Variants in KDM4B observed in about 807,000 individuals in gnomAD.
KDM4B encodes lysine-specific demethylase 4B.
Under a neutral mutation model 125.2 loss-of-function variants are expected in KDM4B, and 32 were observed. The observed-to-expected ratio is 0.26, with a 90% confidence interval of 0.19 to 0.34. The LOEUF (loss-of-function observed/expected upper bound fraction) is 0.34. Ranked by LOEUF, KDM4B falls within the 10% of genes least tolerant of loss-of-function variation. KDM4B has a pLI of 1.00. For synonymous variants in KDM4B, 721 were observed against 677.9 expected (o/e 1.06, Z -0.99); for missense variants, 1,190 against 1,577.7 (o/e 0.75, Z 4.16).
At chr19:5,036,982 G>C (rs921739253) in intron 3 of KDM4B, among the ~76,000 whole-genome samples, 1 of 152,232 alleles carries the variant, frequency 6.6e-6, no homozygotes, top group Non-Finnish European at 1.5e-5. Context: ...GGGGGTGTTT[G>C]GAGCTTCCTG....
At chr19:5,143,809 G>C (rs1343803498) in intron 18 of KDM4B, among the ~76,000 whole-genome samples, 158 bp from the exon 19 acceptor site, 1 of 152,142 alleles carries the variant, frequency 6.6e-6, no homozygotes, top group Non-Finnish European at 1.5e-5. Context: ...GGGAGGCTGC[G>C]GGCTCTGGGC....
intron 4 of KDM4B, 90 bp from the exon 5 acceptor site, chr19:5,041,047 C>T (rs1019167645): frequency 3.7e-6 from 3 of 805,364 alleles, no homozygotes; most frequent in Non-Finnish European, 6.2e-6. Context: ...CCGCCTCTTT[C>T]ATGGGTGCCC....
chr19:5,144,254 C>T lies in KDM4B; in HGVS notation c.2743C>T (p.Leu915Phe), dbSNP rs1429978512. 6.3e-7 allele frequency: 1 copy of T among 1,597,836 alleles called. No individual in the cohort carries two copies. The part of the protein sequence containing the change: ...KHKSGGHAVQ[L>F]LRAVSLGQVV... ...ACCCTCCGCACCCTCCCAGGTCCAA[C>T]TCCTGAGGGCCGTGTCCCTAGGCCA... is the stretch of plus-strand genomic sequence containing the variant. The change falls in exon 20 of 23, where the codon CTC becomes TTC. Residue 915 changes from leucine to phenylalanine, a missense_variant. By Grantham distance (22) the Leu-to-Phe change is conservative (BLOSUM62 0). This residue lies in a region of KDM4B where 298 missense variants were observed against 439.7 expected (regional missense o/e 0.68). Transcript: ENST00000159111.
chr19:5,006,207 C>T (rs75792932), intron 1 of KDM4B, among the ~76,000 whole-genome samples: 30,323 of 151,860 alleles, frequency 0.2, 3,360 homozygotes, highest in Middle Eastern at 0.36. Flanking sequence ...TCCCTGTCCC[C>T]GTCTGTCCCG....
At chr19:5,022,826 T>TG (rs1204503812) in intron 2 of KDM4B, among the ~76,000 whole-genome samples, 17 of 151,180 alleles carry the variant, frequency 1.1e-4, no homozygotes, top group African/African-American at 3.6e-4. Flanking sequence ...GCTCTCCAGG[T>TG]GGGGGGGCTT....
intron 6 of KDM4B, among the ~76,000 whole-genome samples, chr19:5,061,718 A>G (rs2037603154): frequency 6.6e-6 from 1 of 152,034 alleles, no homozygotes; most frequent in African/African-American, 2.4e-5. Context: ...AGAAGAAAAA[A>G]TCAGCTGGGT....
intron 6 of KDM4B, among the ~76,000 whole-genome samples, chr19:5,050,607 A>T (rs2145722016): frequency 6.6e-6 from 1 of 152,358 alleles, no homozygotes; most frequent in South Asian, 2.1e-4. Flanking sequence ...CCATAGATCA[A>T]GACTCTCCTG....
At chr19:5,008,977 A>T (rs1383410320) in intron 1 of KDM4B, among the ~76,000 whole-genome samples, 1 of 140,396 alleles carries the variant, frequency 7.1e-6, no homozygotes, top group African/African-American at 2.8e-5. Flanking sequence ...GTGCAGTGGC[A>T]TGATCTCGGC....
At chr19:5,143,116 A>G (rs2039774995) in intron 18 of KDM4B, among the ~76,000 whole-genome samples, 1 of 152,148 alleles carries the variant, frequency 6.6e-6, no homozygotes. Flanking sequence ...CCTTGAGCTC[A>G]GGAGTTTGAG....
At chr19:5,040,906 C>T (rs545866295) in intron 4 of KDM4B, among the ~76,000 whole-genome samples, 6 of 152,334 alleles carry the variant, frequency 3.9e-5, no homozygotes, top group South Asian at 2.1e-4. Context: ...GTGGGTGCCC[C>T]GGGCCAGGAT....
chr19:5,093,458 C>T (rs544212903), intron 9 of KDM4B, among the ~76,000 whole-genome samples: 60 of 152,268 alleles, frequency 3.9e-4, no homozygotes, highest in African/African-American at 1.3e-3. Flanking sequence ...CCCTGGGAGC[C>T]GGCGCCTAAT....
chr19:5,038,439 G>T (rs1488993840), intron 3 of KDM4B, among the ~76,000 whole-genome samples: 1 of 152,228 alleles, frequency 6.6e-6, no homozygotes, highest in Non-Finnish European at 1.5e-5. Flanking sequence ...TCCAGAAAGA[G>T]CCGGCGCTAA....
At chr19:5,006,229 A>C (rs2035555092) in intron 1 of KDM4B, among the ~76,000 whole-genome samples, 2 of 150,936 alleles carry the variant, frequency 1.3e-5, no homozygotes, top group South Asian at 2.1e-4. Context: ...CACTACTGGA[A>C]CCCCACCCTG....
At chr19:5,044,829 G>A (rs1323350122) in intron 5 of KDM4B, among the ~76,000 whole-genome samples, 1 of 151,986 alleles carries the variant, frequency 6.6e-6, no homozygotes, top group African/African-American at 2.4e-5. Flanking sequence ...TTTCCAGAAT[G>A]CCGTGAGCTG....
At chr19:5,130,528 G>A (rs941011828) in intron 11 of KDM4B, among the ~76,000 whole-genome samples, 3 of 152,222 alleles carry the variant, frequency 2.0e-5, no homozygotes, top group African/African-American at 4.8e-5. Flanking sequence ...TCATGTGACC[G>A]CCAGGTTGGG....
rs527871931 is a variant in KDM4B, at chr19:4,993,874, A to G, written c.-108-22383A>G. Among the ~76,000 whole-genome samples, 11 of 152,074 alleles carry G rather than the reference A, an allele frequency of 7.2e-5. No individual in the cohort carries two copies. The East Asian group carries it at 1.9e-3, about 27-fold the overall frequency. On this transcript the variant is annotated intron_variant, in intron 1 of 22. Coordinates refer to ENST00000159111, the MANE Select transcript of KDM4B (RefSeq NM_015015.3). ...TGATCCTCCCACCTTGGCCTCCTGA[A>G]GTGCTTGGATTACAGGCATGAGTCA...
At chr19:4,995,284 A>T (rs57900491) in intron 1 of KDM4B, among the ~76,000 whole-genome samples, 46,485 of 151,492 alleles carry the variant, frequency 0.31, 7,313 homozygotes, top group Non-Finnish European at 0.34. Context: ...CAAGACTCCA[A>T]ATCTGTGTCA....
At chr19:5,016,718 A>G (rs2035903627) in intron 2 of KDM4B, among the ~76,000 whole-genome samples, 1 of 152,196 alleles carries the variant, frequency 6.6e-6, no homozygotes, top group Non-Finnish European at 1.5e-5. Flanking sequence ...GCGTTCCCCC[A>G]CACACTGTCA....
intron 2 of KDM4B, among the ~76,000 whole-genome samples, chr19:5,030,816 G>A (rs183406329): frequency 2.2e-4 from 34 of 152,388 alleles, no homozygotes; most frequent in African/African-American, 6.3e-4. Flanking sequence ...AGGGACCCGG[G>A]AAGTGCTGAT....
Sources: gnomAD v4.1 joint callset for allele counts (sites outside exome capture counted in the v4.1 genomes callset) on GRCh38, gnomAD v4.1.1 for gene constraint, gnomAD v4.1.1 regional missense constraint, MANE v1.5 for transcripts, NCBI Gene and HGNC (gene_info 2026-07-23, HGNC 2026-07-21) for gene names.